Variants in EVI5 observed in about 807,000 individuals in gnomAD.
EVI5 encodes ecotropic viral integration site 5 protein homolog.
EVI5 carries 73 observed loss-of-function variants against 112.0 expected under a neutral mutation model. The observed-to-expected ratio is 0.65, with a 90% CI of 0.54 to 0.79. The LOEUF is 0.79. Ranked by LOEUF, EVI5 falls within the 30% of genes least tolerant of loss-of-function variation. The pLI, the probability that EVI5 is intolerant of heterozygous loss-of-function variation, is 0.00. For missense variants in EVI5, 900 were observed against 968.8 expected, an observed-to-expected ratio of 0.93 and a Z score of 0.94; for synonymous variants, 305 against 319.9, an observed-to-expected ratio of 0.95 and a Z score of 0.50.
chr1:92,622,912 A>G (rs1654899845), intron 16 of EVI5, among the ~76,000 whole-genome samples: 1 of 152,186 alleles, frequency 6.6e-6, no homozygotes, highest in Admixed American at 6.5e-5. Context: ...CAAATTTCTG[A>G]ATTATATTAA....
At chr1:92,772,145 C>G (rs917679266) in intron 1 of EVI5, among the ~76,000 whole-genome samples, 27 of 151,898 alleles carry the variant, frequency 1.8e-4, no homozygotes, top group African/African-American at 6.5e-4. Context: ...AGCCACCACA[C>G]CCGGCCTGCC....
At chr1:92,751,985 A>C (rs1680267288) in intron 1 of EVI5, among the ~76,000 whole-genome samples, 2 of 151,994 alleles carry the variant, frequency 1.3e-5, no homozygotes, top group Admixed American at 1.3e-4. Flanking sequence ...CACTGCACTC[A>C]AGCCTGGGCG....
At chr1:92,630,586 A>G (rs1656811768) in intron 14 of EVI5, among the ~76,000 whole-genome samples, 1 of 152,130 alleles carries the variant, frequency 6.6e-6, no homozygotes, top group South Asian at 2.1e-4. Context: ...TCAGATAAGT[A>G]GATTGCAAAA....
chr1:92,625,165 T>C (rs1458517369), intron 15 of EVI5, among the ~76,000 whole-genome samples: 1 of 152,198 alleles, frequency 6.6e-6, no homozygotes, highest in African/African-American at 2.4e-5. Context: ...AGGGCAGTGT[T>C]TCTCAAAATA....
intron 18 of EVI5, among the ~76,000 whole-genome samples, chr1:92,601,782 A>T (rs1302278467): frequency 1.3e-5 from 2 of 152,264 alleles, no homozygotes; most frequent in African/African-American, 4.8e-5. Flanking sequence ...GTAACACATT[A>T]CATTTCATTT....
chr1:92,582,468 G>GT (rs1381440248), intron 18 of EVI5, among the ~76,000 whole-genome samples: 1 of 152,028 alleles, frequency 6.6e-6, no homozygotes, highest in African/African-American at 2.4e-5. Context: ...TGATGAGAAG[G>GT]TATCAGTCAT....
rs193014449 is a variant in EVI5, at chr1:92,724,425, G to A, written c.149+11973C>T. 2.1e-3 allele frequency among the ~76,000 whole-genome samples: 320 copies of A among 152,222 alleles called. 1 individual carries two copies. The highest frequency in any genetic ancestry group is 3.6e-3 in the Non-Finnish European group (248 of 68,022). On this transcript the variant is annotated intron_variant, in intron 2 of 19. Transcript: ENST00000684568. ...TATGAAAAATTATTTCATTCTTGCC[G>A]TGATTAAATAATAGAGACTAGCTTT...
Position 92,723,367 on chromosome 1 carries a change from C to G in EVI5, c.149+13031G>C, listed in dbSNP as rs369517925. Among the ~76,000 whole-genome samples, 58 of 152,276 alleles carry G rather than the reference C, an allele frequency of 3.8e-4. 2 individuals carry two copies. In the South Asian group the frequency reaches 0.011, roughly 29 times the overall value. ...AAGTCAGGGACCCTGAACGGAGGGA[C>G]CGGCTGGAGCCAAGGCAGAAGAAGA... On this transcript the variant is annotated intron_variant, in intron 2 of 19. Coordinates refer to ENST00000684568, the MANE Select transcript of EVI5 (RefSeq NM_001350197.2).
chr1:92,592,217 T>G (rs1416637310), intron 18 of EVI5, among the ~76,000 whole-genome samples: 1 of 152,090 alleles, frequency 6.6e-6, no homozygotes, highest in South Asian at 2.1e-4. Context: ...CACTCCGGCC[T>G]AGGTGACAGA....
intron 19 of EVI5, among the ~76,000 whole-genome samples, chr1:92,548,305 T>C (rs1250984297): frequency 6.6e-6 from 1 of 152,182 alleles, no homozygotes; most frequent in Non-Finnish European, 1.5e-5. Context: ...CAGCCCTTCA[T>C]GCTAAAAACT....
intron 10 of EVI5, among the ~76,000 whole-genome samples, chr1:92,671,135 T>C (rs1403396375): frequency 6.6e-6 from 1 of 152,210 alleles, no homozygotes; most frequent in African/African-American, 2.4e-5. Flanking sequence ...GAAAAATATC[T>C]CTAATTTTTC....
chr1:92,572,885 A>G (rs6603992), intron 18 of EVI5, among the ~76,000 whole-genome samples: 109,644 of 151,908 alleles, frequency 0.72, 40,419 homozygotes, highest in East Asian at 0.94. Flanking sequence ...TCCTGAGGAT[A>G]GAAATGACAA....
At chr1:92,523,364 G>T (rs980272962) in intron 19 of EVI5, among the ~76,000 whole-genome samples, 7 of 151,700 alleles carry the variant, frequency 4.6e-5, no homozygotes, top group African/African-American at 1.7e-4. Flanking sequence ...GGAAGCAAAT[G>T]AAAAAGGATT....
chr1:92,689,381 T>TA (rs1212889987), intron 9 of EVI5, among the ~76,000 whole-genome samples: 2 of 152,160 alleles, frequency 1.3e-5, no homozygotes, highest in East Asian at 3.8e-4. Context: ...ACTTTTTTTT[T>TA]AGACAGGGTC....
chr1:92,682,810 A>G (rs1667830533), intron 9 of EVI5, among the ~76,000 whole-genome samples: 1 of 152,210 alleles, frequency 6.6e-6, no homozygotes, highest in Non-Finnish European at 1.5e-5. Context: ...GAACTACCTG[A>G]AATTTCCTCC....
intron 18 of EVI5, among the ~76,000 whole-genome samples, chr1:92,581,341 A>G (rs923278719): frequency 9.2e-5 from 14 of 152,256 alleles, no homozygotes; most frequent in Admixed American, 7.2e-4. Context: ...TAGGATTCAG[A>G]TCATTTCCCA....
intron 18 of EVI5, among the ~76,000 whole-genome samples, chr1:92,587,700 T>G (rs982128030): frequency 6.6e-6 from 1 of 152,098 alleles, no homozygotes; most frequent in Non-Finnish European, 1.5e-5. Flanking sequence ...TCCCTAGAGG[T>G]TATCTGTTGG....
chr1:92,756,180 T>G, intron 1 of EVI5: 1 of 386,948 alleles, frequency 2.6e-6, no homozygotes. Context: ...CAAAACAAAA[T>G]TTGCTACATG....
intron 13 of EVI5, among the ~76,000 whole-genome samples, chr1:92,650,826 G>A (rs1374263688): frequency 6.6e-6 from 1 of 151,954 alleles, no homozygotes; most frequent in African/African-American, 2.4e-5. Context: ...ACATTTTACT[G>A]TTCCTTGAAA....
Sources: gnomAD v4.1 joint callset for allele counts (sites outside exome capture counted in the v4.1 genomes callset) on GRCh38, gnomAD v4.1.1 for gene constraint, MANE v1.5 for transcripts, NCBI Gene and HGNC (gene_info 2026-07-23, HGNC 2026-07-21) for gene names.